SSBP3: variants seen among roughly 807,000 people sequenced by gnomAD.
The protein encoded by SSBP3 is single stranded DNA binding protein 3.
Under a neutral mutation model 69.6 loss-of-function variants are expected in SSBP3, and 5 were observed. The observed-to-expected ratio is 0.07, with a 90% CI of 0.04 to 0.15. The LOEUF (loss-of-function observed/expected upper bound fraction) is 0.15, where lower values mean the gene tolerates loss of function less well. Among genes scored for constraint, SSBP3 ranks in the 10% least tolerant of loss-of-function variants. The pLI, the probability that SSBP3 is intolerant of heterozygous loss-of-function variation, is 1.00. For missense variants in SSBP3, 312 were observed against 534.0 expected, an observed-to-expected ratio of 0.58 and a Z score of 4.10; for synonymous variants, 196 against 193.4, an observed-to-expected ratio of 1.01 and a Z score of -0.11.
At chr1:54,380,832 T>C (rs1325122866) in intron 4 of SSBP3, among the ~76,000 whole-genome samples, 1 of 151,856 alleles carries the variant, frequency 6.6e-6, no homozygotes. Flanking sequence ...TTAAAGCCAG[T>C]ATATTAGGCA....
intron 4 of SSBP3, among the ~76,000 whole-genome samples, chr1:54,282,966 C>T (rs932612247): frequency 3.9e-5 from 6 of 152,196 alleles, no homozygotes; most frequent in South Asian, 2.1e-4. Context: ...CTTTCATTGG[C>T]AGTAAAATAG....
chr1:54,316,631 G>C (rs1299353381), intron 4 of SSBP3, among the ~76,000 whole-genome samples: 1 of 128,410 alleles, frequency 7.8e-6, no homozygotes. Context: ...CTGGGCGACA[G>C]AGCGAGACTC....
At chr1:54,226,262 G>A (rs1195399530) in exon 18 of SSBP3, 2 of 153,196 alleles carry the variant, frequency 1.3e-5, no homozygotes, top group Non-Finnish European at 2.9e-5. Context: ...CCTGGGAACA[G>A]TGCATGCCAC....
intron 4 of SSBP3, among the ~76,000 whole-genome samples, chr1:54,373,062 C>G (rs1353912478): frequency 1.3e-5 from 2 of 152,218 alleles, no homozygotes; most frequent in Admixed American, 6.5e-5. Flanking sequence ...ACGCGTGACT[C>G]TGTGTGCCTG....
intron 4 of SSBP3, among the ~76,000 whole-genome samples, chr1:54,323,158 C>T (rs148158702): frequency 6.6e-6 from 1 of 152,268 alleles, no homozygotes; most frequent in African/African-American, 2.4e-5. Context: ...ATGGACAGCC[C>T]TTAAGCAAGT....
At chr1:54,391,784 C>T (rs1233711053) in intron 4 of SSBP3, among the ~76,000 whole-genome samples, 2 of 152,206 alleles carry the variant, frequency 1.3e-5, no homozygotes, top group Non-Finnish European at 2.9e-5. Flanking sequence ...CTGGGTCAAC[C>T]TCGGTCAGAC....
intron 3 of SSBP3, 73 bp from the exon 4 acceptor site, chr1:54,402,018 C>T (rs1376019886): frequency 4.5e-6 from 6 of 1,328,808 alleles, no homozygotes; most frequent in Non-Finnish European, 5.4e-6. Flanking sequence ...GTGCACGATG[C>T]ATGGCGCTAA....
At chr1:54,241,397 G>A (rs72664198) in intron 12 of SSBP3, 77 bp downstream of exon 12, 76 of 1,489,638 alleles carry the variant, frequency 5.1e-5, no homozygotes, top group Non-Finnish European at 6.6e-5. Context: ...GGAAAGAAAC[G>A]GGGACCCCAG....
intron 4 of SSBP3, among the ~76,000 whole-genome samples, chr1:54,386,384 CG>C (rs1648080093): frequency 6.6e-6 from 1 of 152,146 alleles, no homozygotes; most frequent in South Asian, 2.1e-4. Flanking sequence ...CCTTATGGAG[CG>C]GTCCACATCA....
chr1:54,332,262 A>G (rs1646430134), intron 4 of SSBP3, among the ~76,000 whole-genome samples: 1 of 152,190 alleles, frequency 6.6e-6, no homozygotes, highest in Non-Finnish European at 1.5e-5. Flanking sequence ...CAGTAGGTGA[A>G]AGGACTCCCA....
chr1:54,376,206 GTGTT>G (rs553610874), intron 4 of SSBP3, among the ~76,000 whole-genome samples: 10 of 151,962 alleles, frequency 6.6e-5, no homozygotes, highest in Admixed American at 2.6e-4. Context: ...GTGTGTGTGT[GTGTT>G]TGTCTCACAC....
At chr1:54,262,482 G>A (rs1184442380) in intron 5 of SSBP3, among the ~76,000 whole-genome samples, 2 of 152,230 alleles carry the variant, frequency 1.3e-5, no homozygotes, top group East Asian at 3.8e-4. Flanking sequence ...GAGATGCCGG[G>A]TGCTGACCTC....
intron 4 of SSBP3, among the ~76,000 whole-genome samples, chr1:54,347,180 C>G (rs910202245): frequency 2.0e-5 from 3 of 152,078 alleles, no homozygotes; most frequent in East Asian, 1.9e-4. Flanking sequence ...GTTAACCAAG[C>G]CAGTCTTGAA....
chr1:54,397,284 G>A (rs780804807), intron 4 of SSBP3, among the ~76,000 whole-genome samples: 1 of 152,104 alleles, frequency 6.6e-6, no homozygotes, highest in African/African-American at 2.4e-5. Flanking sequence ...CCCCTCCCCC[G>A]AAAGGGTTCT....
At chr1:54,262,638 G>C (rs1417750521) in intron 5 of SSBP3, among the ~76,000 whole-genome samples, 1 of 152,352 alleles carries the variant, frequency 6.6e-6, no homozygotes, top group Non-Finnish European at 1.5e-5. Flanking sequence ...GGCTCCAAGA[G>C]AGGGTGATGC....
At chr1:54,289,279 G>T (rs1645561714) in intron 4 of SSBP3, among the ~76,000 whole-genome samples, 1 of 151,898 alleles carries the variant, frequency 6.6e-6, no homozygotes, top group African/African-American at 2.4e-5. Context: ...ACCAAGGGGT[G>T]TGTATGTGTG....
chr1:54,349,080 T>TA (rs1255379026), intron 4 of SSBP3, among the ~76,000 whole-genome samples: 1 of 152,224 alleles, frequency 6.6e-6, no homozygotes, highest in Non-Finnish European at 1.5e-5. Context: ...AGATGACAAT[T>TA]ACCTGTCTGA....
intron 4 of SSBP3, among the ~76,000 whole-genome samples, chr1:54,339,600 A>C (rs1646571127): frequency 1.3e-5 from 2 of 152,182 alleles, no homozygotes; most frequent in South Asian, 4.2e-4. Context: ...GGAGAGGGGA[A>C]TCTCTAGTGC....
chr1:54,308,052 C>T (rs997511683), intron 4 of SSBP3, among the ~76,000 whole-genome samples: 8 of 152,204 alleles, frequency 5.3e-5, no homozygotes, highest in African/African-American at 1.9e-4. Context: ...ATTGGGACCC[C>T]TTTCCTGTAA....
Sources: gnomAD v4.1 joint callset for allele counts (sites outside exome capture counted in the v4.1 genomes callset) on GRCh38, gnomAD v4.1.1 for gene constraint, MANE v1.5 for transcripts, NCBI Gene and HGNC (gene_info 2026-07-23, HGNC 2026-07-21) for gene names.